The following TNS4 variants were observed in gnomAD, a reference collection of about 807,000 sequenced individuals.
The protein encoded by TNS4 is tensin-4.
A neutral mutation model predicts 70.4 loss-of-function variants in TNS4; 46 were observed. That is an observed-to-expected ratio of 0.65 (90% CI 0.52 to 0.84). The LOEUF is 0.84. Ranked by LOEUF, TNS4 falls within the 40% of genes least tolerant of loss-of-function variation. The pLI is 0.00. For synonymous variants in TNS4, 390 were observed against 366.6 expected (o/e 1.06, Z -0.73); for missense variants, 863 against 907.0 (o/e 0.95, Z 0.62).
intron 2 of TNS4, among the ~76,000 whole-genome samples, chr17:40,491,934 GT>G (rs993089066): frequency 3.9e-5 from 6 of 152,132 alleles, no homozygotes; most frequent in Admixed American, 2.0e-4. Flanking sequence ...GAAAATGAAA[GT>G]GGGGGGCCTG....
chr17:40,480,484 AC>A, intron 9 of TNS4, among the ~76,000 whole-genome samples: 1 of 150,702 alleles, frequency 6.6e-6, no homozygotes, highest in East Asian at 2.0e-4. Flanking sequence ...CCCACCCCCC[AC>A]CCTGCCCCAC....
At position 40,478,800 on chromosome 17, in the gene TNS4, G is replaced by A. The variant is rs953531363; in HGVS notation, c.1911-152C>T. ...GAAGACCGCTATGGCCTTTCCCACTGGGGGGCCCTGGCGCCCCGCTCCTGC... is the reference window on the plus strand; with the variant it reads ...GAAGACCGCTATGGCCTTTCCCACTAGGGGGCCCTGGCGCCCCGCTCCTGC... On this transcript the variant is annotated intron_variant, in intron 10 of 12. Coordinates refer to ENST00000254051, the MANE Select transcript of TNS4 (RefSeq NM_032865.6). 2.0e-5 allele frequency: 16 copies of A among 787,550 alleles called. No individual in the cohort carries two copies. In the African/African-American group the frequency reaches 2.6e-4, roughly 13 times the overall value. 48.8% of individuals were successfully genotyped at this position (787,550 alleles called of 1,614,324 possible). A position where few individuals can be genotyped will look rare whatever the true frequency, so the allele number is the denominator to read the frequency against.
At position 40,488,815 on chromosome 17, in the gene TNS4, A is replaced by G; in HGVS notation, c.594T>C (p.Ser198=). 6.2e-7 allele frequency: 1 copy of G among 1,611,884 alleles called. No individual in the cohort carries two copies. The highest frequency in any genetic ancestry group is 8.5e-7 in the Non-Finnish European group (1 of 1,179,656). The part of the protein sequence containing the change: ...RDVPRETRSS[S]ESLIFSGNQG... ...GGTTCCCAGAGAAGATGAGGCTCTCACTGCTGCTTCGTGTCTCTCGGGGGA... is the reference window on the plus strand; with the variant it reads ...GGTTCCCAGAGAAGATGAGGCTCTCGCTGCTGCTTCGTGTCTCTCGGGGGA... The change falls in exon 3 of 13, where the codon AGT becomes AGC. Residue 198 remains serine, a synonymous_variant. Coordinates refer to ENST00000254051, the MANE Select transcript of TNS4 (RefSeq NM_032865.6).
In TNS4 at chr17:40,487,020, T is replaced by C. The variant is rs771975225; in HGVS notation, c.1288+16A>G. ...CCCAAATCTTACATTGCTTCAAATATTGGTTTACGACGTACCCTCTGGGCA... is the reference window on the plus strand; with the variant it reads ...CCCAAATCTTACATTGCTTCAAATACTGGTTTACGACGTACCCTCTGGGCA... On this transcript the variant is annotated intron_variant, in intron 4 of 12. Transcript: ENST00000254051. 1 of 1,606,164 alleles carries C rather than the reference T, an allele frequency of 6.2e-7. No homozygotes were observed. Among genetic ancestry groups the C allele is most frequent in the Non-Finnish European group, 8.5e-7 (1 of 1,173,538 alleles).
At chr17:40,480,134 C>T (rs1487584439) in intron 9 of TNS4, 3 of 395,208 alleles carry the variant, frequency 7.6e-6, no homozygotes, top group Non-Finnish European at 1.4e-5. Context: ...TCCTTCTGTC[C>T]ACACTTAACG....
In TNS4 at chr17:40,490,289, G is replaced by A. The variant is rs577983958; in HGVS notation, c.440-1320C>T. Among the ~76,000 whole-genome samples the A allele has an allele frequency of 2.0e-3, 302 of 152,074 alleles. 1 individual carries two copies. The highest frequency in any genetic ancestry group is 6.9e-3 in the African/African-American group (284 of 41,330). On this transcript the variant is annotated intron_variant, in intron 2 of 12. Transcript: ENST00000254051. ...GAGGCCTTGTTCCTCTCCCGAGGTC[G>A]GCCTTGCAGTGGGCTGCTCTGAGGT...
Position 40,488,464 on chromosome 17 carries a change from G to T in TNS4, c.863+82C>A, listed in dbSNP as rs961605964. The T allele has an allele frequency of 3.0e-6, 4 of 1,343,926 alleles. No homozygotes were observed. The African/African-American group carries it at 4.4e-5, about 15-fold the overall frequency. The allele number at this position is 1,343,926 out of a possible 1,614,324, so 83.3% of individuals were successfully genotyped here. On this transcript the variant is annotated intron_variant, in intron 3 of 12. Coordinates refer to ENST00000254051, the MANE Select transcript of TNS4 (RefSeq NM_032865.6). ...CCCAGATTTTGCTCAGACAGAGCAG[G>T]GTCCCTTTCAGTGATTTTAGGGGGT...
In TNS4 at chr17:40,496,192, G is replaced by T. The variant is rs1449008418; in HGVS notation, c.234C>A (p.Cys78Ter). 1 of 1,606,958 alleles carries T rather than the reference G, an allele frequency of 6.2e-7. No homozygotes were observed. Reference sequence around the variant, plus strand: ...CCTTCTCACCAGGGGACGGCAGGAAGCAGGTGGCTTTGGCCTCCACCTGTG... The same window carrying T: ...CCTTCTCACCAGGGGACGGCAGGAATCAGGTGGCTTTGGCCTCCACCTGTG... ...QAPQVEAKAT[C>*]FLPSPGEKAL... is the part of the protein sequence containing the mutation. The change falls in exon 2 of 13, where the codon TGC becomes TGA. Residue 78 changes from cysteine (C) to a stop codon, truncating the protein, a stop_gained. Coordinates refer to ENST00000254051, the MANE Select transcript of TNS4 (RefSeq NM_032865.6). LOFTEE classifies it high-confidence loss of function.
In TNS4 at chr17:40,488,845, T is replaced by C; in HGVS notation, c.564A>G (p.Arg188=). The stretch of plus-strand genomic sequence containing the variant: ...TGCTTCGTGTCTCTCGGGGGACGTC[T>C]CTGGAAAGGAGGAGGCCACCACTGC... ...SLRSGGLLLS[R]DVPRETRSSS... The change falls in exon 3 of 13, where the codon AGA becomes AGG. Residue 188 remains arginine, a synonymous_variant. Coordinates refer to ENST00000254051, the MANE Select transcript of TNS4 (RefSeq NM_032865.6). 1 of 1,612,468 alleles carries C rather than the reference T, an allele frequency of 6.2e-7. No homozygotes were observed. The highest frequency in any genetic ancestry group is 8.5e-7 in the Non-Finnish European group (1 of 1,179,628).
At chr17:40,480,610 G>T in intron 9 of TNS4, 90 bp downstream of exon 9, 1 of 1,255,682 alleles carries the variant, frequency 8.0e-7, no homozygotes, top group Non-Finnish European at 1.1e-6. Flanking sequence ...GCCTGTGCGT[G>T]TGTGCGTGCA....
At chr17:40,500,510 T>C (rs2036198416) in intron 1 of TNS4, among the ~76,000 whole-genome samples, 1 of 152,148 alleles carries the variant, frequency 6.6e-6, no homozygotes, top group African/African-American at 2.4e-5. Flanking sequence ...TCCAGCCACC[T>C]CTGCTCTATT....
chr17:40,489,532 G>A (rs1361882369), intron 2 of TNS4, among the ~76,000 whole-genome samples: 5 of 152,154 alleles, frequency 3.3e-5, no homozygotes, highest in African/African-American at 1.2e-4. Flanking sequence ...CTGAGGCTGG[G>A]CGCGGTGGCT....
chr17:40,487,511 G>A (rs540621971), intron 3 of TNS4, 51 bp from the exon 4 acceptor site: 2 of 1,549,130 alleles, frequency 1.3e-6, no homozygotes, highest in South Asian at 2.5e-5. Context: ...GTGGCTCAGG[G>A]GCTAGAGTCA....
At chr17:40,500,514 C>T (rs548254907) in intron 1 of TNS4, among the ~76,000 whole-genome samples, 1 of 152,276 alleles carries the variant, frequency 6.6e-6, no homozygotes, top group South Asian at 2.1e-4. Flanking sequence ...GCCACCTCTG[C>T]TCTATTTGTA....
In TNS4 at chr17:40,496,298, T is replaced by C; in HGVS notation, c.128A>G (p.Tyr43Cys). The C allele has an allele frequency of 6.2e-7, 1 of 1,613,050 alleles. No homozygotes were observed. Among genetic ancestry groups the C allele is most frequent in the East Asian group, 2.2e-5 (1 of 44,862 alleles). Residue 43 changes from tyrosine to cysteine, a missense_variant, in exon 2 of 13, where the codon TAC (tyrosine) becomes TGC (cysteine). Coordinates refer to ENST00000254051, the MANE Select transcript of TNS4 (RefSeq NM_032865.6). Reference sequence around the variant, plus strand: ...CTGGGCTCCCCAGCCTTCCGTGGTGTAGTAAGAACACTGGGGTGGCAGGCT... The same window carrying C: ...CTGGGCTCCCCAGCCTTCCGTGGTGCAGTAAGAACACTGGGGTGGCAGGCT... ...SPSLPPQCSY[Y>C]TTEGWGAQAL...
At chr17:40,487,539 T>G (rs913576241) in intron 3 of TNS4, 79 bp from the exon 4 acceptor site, 7 of 1,487,906 alleles carry the variant, frequency 4.7e-6, no homozygotes, top group Non-Finnish European at 6.3e-6. Context: ...GATCTGGTGA[T>G]CTGGGTTCCC....
chr17:40,483,597 C>T (rs1028783625), intron 6 of TNS4, among the ~76,000 whole-genome samples: 1 of 152,254 alleles, frequency 6.6e-6, no homozygotes. Context: ...CCACGCTGGC[C>T]CCGGGGGTGG....
Position 40,476,958 on chromosome 17 carries a change from GACAA to G in TNS4, c.*626_*629del, listed in dbSNP as rs1307449284. On this transcript the variant is annotated 3_prime_UTR_variant, in exon 13 of 13. Coordinates refer to ENST00000254051, the MANE Select transcript of TNS4 (RefSeq NM_032865.6). ...CAGCTGGGTCTCCTCTGACCATGGG[GACAA>G]GTTCCCCCTGCTGAGCTGCCCTAAA... 6.6e-6 allele frequency: 1 copy of G among 152,312 alleles called. No individual in the cohort carries two copies. The allele number at this position is 152,312 out of a possible 1,614,324, so 9.4% of individuals were successfully genotyped here. A position where few individuals can be genotyped will look rare whatever the true frequency, so the allele number is the denominator to read the frequency against.
intron 12 of TNS4, 123 bp downstream of exon 12, chr17:40,478,184 C>T: frequency 7.7e-7 from 1 of 1,293,532 alleles, no homozygotes; most frequent in Non-Finnish European, 1.1e-6. Flanking sequence ...ATGGGAGCTC[C>T]CTGAGGACCA....
Sources: gnomAD v4.1 joint callset for allele counts (sites outside exome capture counted in the v4.1 genomes callset) on GRCh38, gnomAD v4.1.1 for gene constraint, MANE v1.5 for transcripts, NCBI Gene and HGNC (gene_info 2026-07-23, HGNC 2026-07-21) for gene names.